Variants in LIPA observed in about 807,000 individuals in gnomAD.
The protein encoded by LIPA is lipase A, lysosomal acid type.
LIPA carries 26 observed loss-of-function variants against 40.6 expected under a neutral mutation model. The ratio of observed to expected loss-of-function variants is 0.64; its 90% CI spans 0.47 to 0.89. The LOEUF (loss-of-function observed/expected upper bound fraction) is 0.89. Among genes scored for constraint, LIPA ranks in the 40% least tolerant of loss-of-function variants. The probability of loss-of-function intolerance (pLI) is 0.00; values close to 1 mark genes in which losing one functional copy is unlikely to be tolerated. For missense variants in LIPA, 455 were observed against 479.6 expected (o/e 0.95, Z 0.48); for synonymous variants, 188 against 168.4 (o/e 1.12, Z -0.90).
At chr10:89,332,619 C>A in intron 1 of LIPA, 1 of 1,614,026 alleles carries the variant, frequency 6.2e-7, no homozygotes, top group Non-Finnish European at 8.5e-7. Context: ...GGGAAACAGC[C>A]ATCATGAGGT....
chr10:89,325,660 A>G lies in LIPA; in HGVS notation c.-2+16951T>C, dbSNP rs146113107. Among the ~76,000 whole-genome samples the G allele has an allele frequency of 1.7e-3, 266 of 152,338 alleles. 3 individuals are homozygous for G. Among genetic ancestry groups the G allele is most frequent in the African/African-American group, 5.9e-3 (245 of 41,580 alleles). On this transcript the variant is annotated intron_variant, in intron 1 of 5. Transcript: ENST00000282673. ...GTTCTCACTTATAAGTGGGAACTGA[A>G]CATTATGGACACAAAGAGGGGAACA... is the stretch of plus-strand genomic sequence containing the variant.
At chr10:89,298,401 C>T (rs953152973) in intron 1 of LIPA, among the ~76,000 whole-genome samples, 21 of 152,328 alleles carry the variant, frequency 1.4e-4, no homozygotes, top group African/African-American at 4.6e-4. Flanking sequence ...TCAAGGAAAT[C>T]ATATATATCA....
intron 3 of LIPA, among the ~76,000 whole-genome samples, chr10:89,244,946 C>T (rs1843005777): frequency 6.6e-6 from 1 of 152,090 alleles, no homozygotes; most frequent in Non-Finnish European, 1.5e-5. Context: ...AACTTGCACA[C>T]ACAAAAGCTT....
At chr10:89,404,875 C>T (rs1358548915) in intron 2 of LIPA, 1 of 151,940 alleles carries the variant, frequency 6.6e-6, no homozygotes, top group African/African-American at 2.4e-5. Flanking sequence ...GGTGAGTGGA[C>T]TGCTGGAGCC....
At chr10:89,374,940 A>C (rs1278091982) in intron 2 of LIPA, among the ~76,000 whole-genome samples, 1 of 152,214 alleles carries the variant, frequency 6.6e-6, no homozygotes, top group Non-Finnish European at 1.5e-5. Flanking sequence ...CCTGAAGCTC[A>C]GAACAGGACA....
In LIPA at chr10:89,331,280, C is replaced by T. The variant is rs553556718; in HGVS notation, c.-2+11331G>A. ...CTCAGACTCCTGGGCTCAAGGGATT[C>T]TCCCACCCAGCCTCCCAAGTAGCTG... On this transcript the variant is annotated intron_variant, in intron 1 of 5. Transcript: ENST00000282673. Among the ~76,000 whole-genome samples the T allele has an allele frequency of 1.6e-4, 25 of 152,228 alleles. No homozygotes were observed. The South Asian group carries it at 5.0e-3, about 30-fold the overall frequency.
intron 2 of LIPA, chr10:89,392,837 T>C: frequency 1.0e-6 from 1 of 969,458 alleles, no homozygotes; most frequent in Non-Finnish European, 1.6e-6. Flanking sequence ...TCGATTTGAG[T>C]ATCTGCTTAT....
At chr10:89,368,228 T>A (rs1309583880) in intron 2 of LIPA, among the ~76,000 whole-genome samples, 1 of 152,230 alleles carries the variant, frequency 6.6e-6, no homozygotes, top group Non-Finnish European at 1.5e-5. Flanking sequence ...AACTTGTGAA[T>A]TCATATTCCA....
At chr10:89,345,608 C>T (rs990131354), upstream of LIPA, among the ~76,000 whole-genome samples, 2 of 151,642 alleles carry the variant, frequency 1.3e-5, no homozygotes, top group African/African-American at 4.8e-5. Flanking sequence ...GGCATATTTG[C>T]ACAAGAACCA....
At chr10:89,343,479 G>T (rs1843889395), upstream of LIPA, among the ~76,000 whole-genome samples, 1 of 152,158 alleles carries the variant, frequency 6.6e-6, no homozygotes, top group Non-Finnish European at 1.5e-5. Context: ...TCATTGTCTT[G>T]CGGAAGAGGA....
At chr10:89,248,827 T>C (rs1251615571) in intron 1 of LIPA, among the ~76,000 whole-genome samples, 1 of 152,106 alleles carries the variant, frequency 6.6e-6, no homozygotes, top group Non-Finnish European at 1.5e-5. Flanking sequence ...CCACCTCCAG[T>C]TGATATATGA....
intron 1 of LIPA, among the ~76,000 whole-genome samples, chr10:89,321,410 G>C (rs977818498): frequency 6.6e-6 from 1 of 152,112 alleles, no homozygotes; most frequent in African/African-American, 2.4e-5. Flanking sequence ...GTGGGCAAAG[G>C]CTATGAATGG....
intron 1 of LIPA, among the ~76,000 whole-genome samples, chr10:89,274,091 G>A (rs1399840759): frequency 2.0e-5 from 3 of 152,216 alleles, no homozygotes; most frequent in Non-Finnish European, 4.4e-5. Flanking sequence ...GGATCCATGA[G>A]ACACATAAAA....
intron 4 of LIPA, among the ~76,000 whole-genome samples, chr10:89,227,302 T>C (rs1842782464): frequency 1.3e-5 from 2 of 152,256 alleles, no homozygotes; most frequent in African/African-American, 4.8e-5. Context: ...GCTTAATCCA[T>C]TTTTTGCTGC....
rs186174283 is a variant in LIPA at position 89,359,349 on chromosome 10, T to C, written c.61+53442A>G. 2.6e-5 allele frequency among the ~76,000 whole-genome samples: 4 copies of C among 152,336 alleles called. No individual in the cohort carries two copies. The East Asian group carries it at 7.7e-4, about 29-fold the overall frequency. On this transcript the variant is annotated intron_variant, in intron 2 of 8. Coordinates refer to the LIPA transcript ENST00000371837. Reference sequence around the variant, plus strand: ...TTAGTTAATTAAAAATAAAAATAAATGCCCTGTAGGGCAGTATTTGAGGAA... The same window carrying C: ...TTAGTTAATTAAAAATAAAAATAAACGCCCTGTAGGGCAGTATTTGAGGAA...
intron 1 of LIPA, among the ~76,000 whole-genome samples, chr10:89,263,019 A>G (rs1436072517): frequency 6.6e-6 from 1 of 152,250 alleles, no homozygotes; most frequent in Non-Finnish European, 1.5e-5. Flanking sequence ...AGAGGCAACT[A>G]GAGATTCCAT....
chr10:89,369,883 A>T (rs1412579457), intron 2 of LIPA, among the ~76,000 whole-genome samples: 1 of 152,232 alleles, frequency 6.6e-6, no homozygotes, highest in Non-Finnish European at 1.5e-5. Flanking sequence ...TTCCCCACAT[A>T]CAGCCAAAGG....
At chr10:89,389,611 C>T (rs1329177336) in intron 2 of LIPA, among the ~76,000 whole-genome samples, 1 of 152,112 alleles carries the variant, frequency 6.6e-6, no homozygotes, top group Non-Finnish European at 1.5e-5. Context: ...TCTATGGAGC[C>T]CATTCCTTAA....
intron 2 of LIPA, among the ~76,000 whole-genome samples, chr10:89,347,989 G>T (rs1443608826): frequency 6.6e-6 from 1 of 152,172 alleles, no homozygotes; most frequent in Non-Finnish European, 1.5e-5. Flanking sequence ...TTCCATCCCA[G>T]TCCAAAAAAT....
Sources: gnomAD v4.1 joint callset for allele counts (sites outside exome capture counted in the v4.1 genomes callset) on GRCh38, gnomAD v4.1.1 for gene constraint, MANE v1.5 for transcripts, NCBI Gene and HGNC (gene_info 2026-07-23, HGNC 2026-07-21) for gene names.